Variants in TFAP2E observed in about 807,000 individuals in gnomAD.
TFAP2E encodes transcription factor AP-2-epsilon.
A neutral mutation model predicts 37.9 loss-of-function variants in TFAP2E; 30 were observed. That is an observed-to-expected ratio of 0.79 (90% confidence interval 0.59 to 1.07). The LOEUF is 1.07. Among genes scored for constraint, TFAP2E ranks in the 50% least tolerant of loss-of-function variants. The pLI is 0.00. For missense variants in TFAP2E, 567 were observed against 637.9 expected (o/e 0.89, Z 1.20); for synonymous variants, 318 against 295.8 (o/e 1.08, Z -0.77).
chr1:35,594,323 T>C (rs1199721141), intron 6 of TFAP2E, 71 bp from the exon 7 acceptor site: 1 of 1,560,132 alleles, frequency 6.4e-7, no homozygotes, highest in African/African-American at 1.4e-5. Context: ...GTAAAATGCC[T>C]AGCATGTAGC....
chr1:35,581,232 G>A (rs1408001426), intron 3 of TFAP2E, among the ~76,000 whole-genome samples: 2 of 152,180 alleles, frequency 1.3e-5, no homozygotes, highest in Non-Finnish European at 2.9e-5. Flanking sequence ...ATTATCAGCA[G>A]TTTGTTTCTT....
chr1:35,580,664 A>T (rs901476225), intron 3 of TFAP2E, among the ~76,000 whole-genome samples: 6 of 151,894 alleles, frequency 4.0e-5, no homozygotes, highest in Non-Finnish European at 7.4e-5. Flanking sequence ...AGTCCCAGCT[A>T]CTCGGGAGGC....
rs917962290 is a variant in TFAP2E at position 35,573,809 on chromosome 1, G to C, written c.28-118G>C. On this transcript the variant is annotated intron_variant, in intron 1 of 6. Transcript: ENST00000373235. The surrounding 1 kb of genome is among the most constrained non-coding windows in gnomAD (Gnocchi z 5.9). ...CGCGGGTGGCTCGGAAATAAACCTC[G>C]GGCCCCAAGAAACGGGAGGGACTGC... 1 of 1,376,134 alleles carries C rather than the reference G, an allele frequency of 7.3e-7. No homozygotes were observed. The highest frequency in any genetic ancestry group is 1.5e-5 in the African/African-American group (1 of 65,266). 85.2% of individuals were successfully genotyped at this position (1,376,134 alleles called of 1,614,324 possible).
chr1:35,592,507 C>T (rs952312838), intron 6 of TFAP2E, among the ~76,000 whole-genome samples: 1 of 152,122 alleles, frequency 6.6e-6, no homozygotes, highest in African/African-American at 2.4e-5. Flanking sequence ...AAGCAATTCT[C>T]CTGCCTCAGC....
At position 35,573,710 on chromosome 1, in the gene TFAP2E, G is replaced by A; in HGVS notation, c.27+106G>A. On this transcript the variant is annotated intron_variant, in intron 1 of 6. Transcript: ENST00000373235. The surrounding 1 kb of genome is among the most constrained non-coding windows in gnomAD (Gnocchi z 5.9). Reference sequence around the variant, plus strand: ...GCGCTAACGAAATCTCGGAGGGAGGGGGCCGCAGGGACTTCGCCAGCTGAG... The same window carrying A: ...GCGCTAACGAAATCTCGGAGGGAGGAGGCCGCAGGGACTTCGCCAGCTGAG... 6.8e-7 allele frequency: 1 copy of A among 1,480,242 alleles called. No homozygotes were observed. Among genetic ancestry groups the A allele is most frequent in the Non-Finnish European group, 9.0e-7 (1 of 1,108,452 alleles). 91.7% of individuals were successfully genotyped at this position (1,480,242 alleles called of 1,614,324 possible).
At chr1:35,576,928 C>CGCGGGACCCCAGCGCCA (rs142892241) in intron 3 of TFAP2E, among the ~76,000 whole-genome samples, 3 of 106,930 alleles carry the variant, frequency 2.8e-5, no homozygotes, top group African/African-American at 6.7e-5. Flanking sequence ...CGTGCACAAC[C>CGCGGGACCCCAGCGCCA]GCGGGACCCC....
intron 3 of TFAP2E, among the ~76,000 whole-genome samples, chr1:35,581,809 T>C (rs1447988799): frequency 2.0e-5 from 3 of 152,016 alleles, no homozygotes; most frequent in East Asian, 3.8e-4. Flanking sequence ...CGACCTCAGG[T>C]GATCCACCCG....
At chr1:35,593,941 C>T (rs1649757672) in intron 6 of TFAP2E, among the ~76,000 whole-genome samples, 1 of 152,192 alleles carries the variant, frequency 6.6e-6, no homozygotes, top group Admixed American at 6.5e-5. Flanking sequence ...ATGATGCAGA[C>T]AGTGTGGTTG....
At chr1:35,582,206 G>A (rs1649369551) in intron 3 of TFAP2E, among the ~76,000 whole-genome samples, 1 of 151,860 alleles carries the variant, frequency 6.6e-6, no homozygotes, top group Non-Finnish European at 1.5e-5. Flanking sequence ...ACCATCAAGT[G>A]GTATCTCAGT....
At position 35,574,127 on chromosome 1, in the gene TFAP2E, T is replaced by TC; in HGVS notation, c.232dup (p.His78ProfsTer50). On this transcript the variant is annotated frameshift_variant, in exon 2 of 7. Coordinates refer to ENST00000373235, the MANE Select transcript of TFAP2E (RefSeq NM_178548.4). LOFTEE classifies it high-confidence loss of function. Reference sequence around the variant, plus strand: ...AGGCGCCCGACGCCGCCGCAGCCTTTCCCCACCTGGCAGGGGACCCATATG... The same window carrying TC: ...AGGCGCCCGACGCCGCCGCAGCCTTTCCCCCACCTGGCAGGGGACCCATATG... 1 of 1,454,214 alleles carries TC rather than the reference T, an allele frequency of 6.9e-7. No homozygotes were observed. Among genetic ancestry groups the TC allele is most frequent in the Non-Finnish European group, 9.1e-7 (1 of 1,104,902 alleles). 90.1% of individuals were successfully genotyped at this position (1,454,214 alleles called of 1,614,324 possible).
In TFAP2E at chr1:35,588,212, G is replaced by A; in HGVS notation, c.563-118G>A. The A allele has an allele frequency of 3.9e-6, 4 of 1,037,764 alleles. No homozygotes were observed. The highest frequency in any genetic ancestry group is 4.1e-6 in the Non-Finnish European group (3 of 734,048). The allele number at this position is 1,037,764 out of a possible 1,614,324, so 64.3% of individuals were successfully genotyped here. A position where few individuals can be genotyped will look rare whatever the true frequency, so the allele number is the denominator to read the frequency against. On this transcript the variant is annotated intron_variant, in intron 3 of 6. Coordinates refer to ENST00000373235, the MANE Select transcript of TFAP2E (RefSeq NM_178548.4). The surrounding 1 kb of genome is among the most constrained non-coding windows in gnomAD (Gnocchi z 5.1). ...CCATCAGTTGAGGGAACTTGGGCGA[G>A]TCACTTTCACCTCACTGTGGCTCAG...
chr1:35,580,420 G>C (rs970370289), intron 3 of TFAP2E, among the ~76,000 whole-genome samples: 5 of 152,058 alleles, frequency 3.3e-5, no homozygotes, highest in Admixed American at 1.3e-4. Flanking sequence ...CCTAAGTGTA[G>C]TCCAAGGAAC....
At position 35,573,705 on chromosome 1, in the gene TFAP2E, G is replaced by A. The variant is rs1649078238; in HGVS notation, c.27+101G>A. 2 of 1,488,066 alleles carry A rather than the reference G, an allele frequency of 1.3e-6. No individual in the cohort carries two copies. The highest frequency in any genetic ancestry group is 1.4e-5 in the African/African-American group (1 of 69,074). The allele number at this position is 1,488,066 out of a possible 1,614,324, so 92.2% of individuals were successfully genotyped here. On this transcript the variant is annotated intron_variant, in intron 1 of 6. Transcript: ENST00000373235. This position sits in a 1 kb window ranked among gnomAD's most constrained non-coding sequence, Gnocchi z 5.9. ...GTCCCGCGCTAACGAAATCTCGGAGGGAGGGGGCCGCAGGGACTTCGCCAG... is the reference window on the plus strand; with the variant it reads ...GTCCCGCGCTAACGAAATCTCGGAGAGAGGGGGCCGCAGGGACTTCGCCAG...
At chr1:35,576,644 G>C (rs1446871225) in intron 3 of TFAP2E, among the ~76,000 whole-genome samples, 1 of 152,174 alleles carries the variant, frequency 6.6e-6, no homozygotes, top group Non-Finnish European at 1.5e-5. Flanking sequence ...AGGGTAGAAG[G>C]ATCAGCTGTT....
chr1:35,592,397 TTTTA>T (rs1381703288), intron 6 of TFAP2E, among the ~76,000 whole-genome samples: 1 of 151,998 alleles, frequency 6.6e-6, no homozygotes, highest in African/African-American at 2.4e-5. Flanking sequence ...CAACAGAAAT[TTTTA>T]TTTATTTATT....
At chr1:35,587,142 C>T (rs80127215) in intron 3 of TFAP2E, among the ~76,000 whole-genome samples, 2,596 of 152,232 alleles carry the variant, frequency 0.017, 58 homozygotes, top group East Asian at 0.059. Context: ...ACTCCACACC[C>T]GAGCCTCACT....
chr1:35,578,258 G>T (rs1182463051), intron 3 of TFAP2E, among the ~76,000 whole-genome samples: 2 of 152,066 alleles, frequency 1.3e-5, no homozygotes, highest in African/African-American at 4.8e-5. Context: ...AGCCAGACAG[G>T]TTAAAAAGGT....
rs72659628 is a variant in TFAP2E at position 35,582,190 on chromosome 1, A to T, written c.563-6140A>T. 4.4e-3 allele frequency among the ~76,000 whole-genome samples: 671 copies of T among 152,134 alleles called. 3 individuals carry two copies. Among genetic ancestry groups the T allele is most frequent in the Non-Finnish European group, 5.4e-3 (368 of 67,986 alleles). On this transcript the variant is annotated intron_variant, in intron 3 of 6. Transcript: ENST00000373235. ...ACCGTGCCTGGCCCCTGTCTTTTTT[A>T]TTATAACCATCAAGTGGTATCTCAG...
In TFAP2E at chr1:35,577,212, A is replaced by G; in HGVS notation, c.562+2212A>G. 2.7e-6 allele frequency: 1 copy of G among 365,842 alleles called. No individual in the cohort carries two copies. The allele number at this position is 365,842 out of a possible 1,614,324, so 22.7% of individuals were successfully genotyped here. ...GATCCGGAGGTCGTGACCCAGGGGA[A>G]AGCGTGGGCGGTCGACCCAGGGCAG... On this transcript the variant is annotated intron_variant, in intron 3 of 6. Coordinates refer to ENST00000373235, the MANE Select transcript of TFAP2E (RefSeq NM_178548.4). The surrounding 1 kb of genome is among the most constrained non-coding windows in gnomAD (Gnocchi z 6.3).
Sources: allele counts gnomAD v4.1 joint callset (sites outside exome capture counted in the v4.1 genomes callset), GRCh38; gene constraint gnomAD v4.1.1; non-coding constraint Gnocchi (gnomAD v3.1); transcripts MANE v1.5; gene names NCBI Gene and HGNC (gene_info 2026-07-23, HGNC 2026-07-21).